COLEC10: variants seen among roughly 807,000 people sequenced by gnomAD.
The protein encoded by COLEC10 is collectin subfamily member 10.
Under a neutral mutation model 28.4 loss-of-function variants are expected in COLEC10, and 22 were observed. That is an observed-to-expected ratio of 0.78 (90% CI 0.55 to 1.11). The LOEUF is 1.11. Ranked by LOEUF, COLEC10 falls within the 50% of genes least tolerant of loss-of-function variation. The probability of loss-of-function intolerance (pLI) is 0.00; values close to 1 mark genes in which losing one functional copy is unlikely to be tolerated. For missense variants in COLEC10, 361 were observed against 344.1 expected (o/e 1.05, Z -0.39); for synonymous variants, 125 against 116.1 (o/e 1.08, Z -0.49).
intron 2 of COLEC10, among the ~76,000 whole-genome samples, chr8:119,032,615 C>T (rs1443698542): frequency 2.0e-5 from 3 of 152,128 alleles, no homozygotes; most frequent in Non-Finnish European, 4.4e-5. Flanking sequence ...TAAACAAAGG[C>T]CTTCTGCCCC....
chr8:118,995,971 G>A (rs1813581900), intron 1 of COLEC10, among the ~76,000 whole-genome samples: 1 of 151,998 alleles, frequency 6.6e-6, no homozygotes. Context: ...GTACAATGTT[G>A]CACAGACAGT....
At chr8:119,008,418 A>G (rs1305427673) in intron 1 of COLEC10, among the ~76,000 whole-genome samples, 1 of 150,872 alleles carries the variant, frequency 6.6e-6, no homozygotes, top group Non-Finnish European at 1.5e-5. Flanking sequence ...ATGTGATACT[A>G]TAGAGCCAGA....
At chr8:119,037,510 A>G (rs1328625381) in intron 2 of COLEC10, among the ~76,000 whole-genome samples, 1 of 152,120 alleles carries the variant, frequency 6.6e-6, no homozygotes, top group East Asian at 1.9e-4. Flanking sequence ...CTGGAGAATG[A>G]CTGGACTCTT....
At chr8:119,047,107 T>C (rs561147444) in intron 2 of COLEC10, among the ~76,000 whole-genome samples, 2 of 152,328 alleles carry the variant, frequency 1.3e-5, no homozygotes, top group South Asian at 2.1e-4. Flanking sequence ...AAAATGTATT[T>C]TTTGGAATAT....
At chr8:119,035,561 C>T (rs1587010477) in intron 2 of COLEC10, among the ~76,000 whole-genome samples, 1 of 145,350 alleles carries the variant, frequency 6.9e-6, no homozygotes, top group African/African-American at 2.6e-5. Flanking sequence ...CCACAGAAAA[C>T]CTTTCCTGAA....
At chr8:119,098,287 A>C (rs960679499) in intron 3 of COLEC10, among the ~76,000 whole-genome samples, 1 of 152,098 alleles carries the variant, frequency 6.6e-6, no homozygotes, top group African/African-American at 2.4e-5. Context: ...AAGACAAGAA[A>C]GGCTCAAGAG....
chr8:119,024,281 G>C (rs1225021262), intron 2 of COLEC10, among the ~76,000 whole-genome samples: 1 of 152,108 alleles, frequency 6.6e-6, no homozygotes, highest in Non-Finnish European at 1.5e-5. Context: ...TTGAAGAAAG[G>C]CTTTAAGGAT....
At position 119,080,682 on chromosome 8, in the gene COLEC10, A is replaced by T. The variant is rs149055259; in HGVS notation, c.149-8998A>T. Among the ~76,000 whole-genome samples the T allele has an allele frequency of 7.9e-5, 12 of 152,242 alleles. No individual in the cohort carries two copies. In the East Asian group the frequency reaches 1.7e-3, roughly 22 times the overall value. On this transcript the variant is annotated intron_variant, in intron 1 of 5. Coordinates refer to ENST00000332843, the MANE Select transcript of COLEC10 (RefSeq NM_006438.5). ...GCTTGTTGTAACATGTAACCTATGTAAGGATGTATAAAATGAAGATGTAAA... is the reference window on the plus strand; with the variant it reads ...GCTTGTTGTAACATGTAACCTATGTTAGGATGTATAAAATGAAGATGTAAA...
intron 2 of COLEC10, among the ~76,000 whole-genome samples, chr8:119,031,186 A>C (rs1230814487): frequency 6.6e-6 from 1 of 152,222 alleles, no homozygotes; most frequent in Non-Finnish European, 1.5e-5. Context: ...GACCAAATGA[A>C]ATATCATGTG....
intron 1 of COLEC10, among the ~76,000 whole-genome samples, chr8:119,001,928 A>G (rs1813709555): frequency 6.6e-6 from 1 of 152,232 alleles, no homozygotes; most frequent in Non-Finnish European, 1.5e-5. Flanking sequence ...TTTGGCAATC[A>G]AAAATCAAAA....
the COLEC10 span, among the ~76,000 whole-genome samples, chr8:118,980,202 C>CT: frequency 0.026 from 3,535 of 137,070 alleles, 52 homozygotes; most frequent in African/African-American, 0.04. Context: ...ATAAAACATT[C>CT]TTTTTTTTTT....
the COLEC10 span, among the ~76,000 whole-genome samples, chr8:118,969,243 C>A: frequency 5.3e-5 from 8 of 152,000 alleles, no homozygotes; most frequent in African/African-American, 1.2e-4. Context: ...CCAGCACTGA[C>A]AGTACTTTGT....
At chr8:119,022,614 G>A (rs936028103) in intron 2 of COLEC10, among the ~76,000 whole-genome samples, 2 of 152,008 alleles carry the variant, frequency 1.3e-5, no homozygotes, top group Admixed American at 6.6e-5. Context: ...AAAGTGACCA[G>A]TGACTTTTTC....
At chr8:119,069,216 G>A (rs1008780615) in intron 1 of COLEC10, among the ~76,000 whole-genome samples, 10 of 152,006 alleles carry the variant, frequency 6.6e-5, no homozygotes, top group Non-Finnish European at 1.2e-4. Flanking sequence ...AAAGCAACAT[G>A]AGTATATTCA....
At chr8:119,078,705 T>C (rs139649146) in intron 1 of COLEC10, among the ~76,000 whole-genome samples, 7 of 152,268 alleles carry the variant, frequency 4.6e-5, no homozygotes, top group African/African-American at 1.7e-4. Flanking sequence ...TAGTGATTGA[T>C]GATTATCAAA....
the COLEC10 span, among the ~76,000 whole-genome samples, chr8:118,953,634 T>C: frequency 1.8e-4 from 28 of 152,224 alleles, no homozygotes; most frequent in African/African-American, 5.8e-4. Context: ...AGAAAGCAAA[T>C]GGGAGCGTTT....
intron 3 of COLEC10, among the ~76,000 whole-genome samples, chr8:119,091,453 G>C (rs1815593689): frequency 6.6e-6 from 1 of 151,590 alleles, no homozygotes; most frequent in East Asian, 1.9e-4. Context: ...TACATAGGAG[G>C]CTGAGGTAGG....
upstream of COLEC10, among the ~76,000 whole-genome samples, chr8:119,065,995 G>T (rs543586858): frequency 2.3e-3 from 353 of 152,316 alleles, no homozygotes; most frequent in Non-Finnish European, 3.9e-3. Context: ...GTTGGCACTG[G>T]TTTTAGCCAC....
chr8:119,044,986 C>T (rs925191162), intron 2 of COLEC10, among the ~76,000 whole-genome samples: 1 of 152,164 alleles, frequency 6.6e-6, no homozygotes, highest in Non-Finnish European at 1.5e-5. Flanking sequence ...ATTAGACTAT[C>T]TCTTTCTTTC....
Sources: allele counts gnomAD v4.1 joint callset (sites outside exome capture counted in the v4.1 genomes callset), GRCh38; gene constraint gnomAD v4.1.1; transcripts MANE v1.5; gene names NCBI Gene and HGNC (gene_info 2026-07-23, HGNC 2026-07-21).